Variants in ZNF718 observed in about 807,000 individuals in gnomAD.
The protein encoded by ZNF718 is zinc finger protein 718.
ZNF718 carries 3 observed loss-of-function variants against 2.6 expected under a neutral mutation model. The ratio of observed to expected loss-of-function variants is 1.16; its 90% confidence interval spans 0.53 to 3.01. The LOEUF is 3.01. ZNF718 is among the 30% of genes most tolerant of loss of function. The pLI, the probability that ZNF718 is intolerant of heterozygous loss-of-function variation, is 0.03. For missense variants in ZNF718, 468 were observed against 230.0 expected (o/e 2.03, Z -6.69); for synonymous variants, 135 against 77.9 (o/e 1.73, Z -3.86).
At chr4:147,071 A>C (rs1375430481) in intron 3 of ZNF718, among the ~76,000 whole-genome samples, 1 of 152,134 alleles carries the variant, frequency 6.6e-6, no homozygotes, top group Non-Finnish European at 1.5e-5. Flanking sequence ...TCCAGATTCA[A>C]GCGATTCTTT....
intron 1 of ZNF718, among the ~76,000 whole-genome samples, chr4:125,821 C>T (rs1553807901): frequency 1.3e-5 from 2 of 152,218 alleles, no homozygotes; most frequent in Non-Finnish European, 1.5e-5. Flanking sequence ...AGGGTTCTAC[C>T]CTCAGGAATT....
At chr4:180,470 G>T (rs188633254) in intron 3 of ZNF718, among the ~76,000 whole-genome samples, 2 of 152,160 alleles carry the variant, frequency 1.3e-5, no homozygotes, top group Admixed American at 6.6e-5. Flanking sequence ...AAAAACTCTC[G>T]GTCGGGTTCA....
downstream of ZNF718, among the ~76,000 whole-genome samples, chr4:164,541 T>C (rs1055898728): frequency 6.6e-6 from 1 of 152,136 alleles, no homozygotes; most frequent in African/African-American, 2.4e-5. Context: ...TTCACTTGTT[T>C]CTCATAGTTT....
In ZNF718 at chr4:191,847, GC is replaced by G. The variant is rs561446167; in HGVS notation, c.227-9233del. ...GGGGCGGGCCGCTCCCAAGATGGTG[GC>G]AAGACTTTTATTCTCTGACCTGGGG... On this transcript the variant is annotated intron_variant and NMD_transcript_variant, in intron 3 of 4. Transcript: ENST00000642529. 1.1e-3 allele frequency among the ~76,000 whole-genome samples: 160 copies of G among 152,300 alleles called. 2 individuals carry two copies. In the South Asian group the frequency reaches 0.011, roughly 11 times the overall value.
intron 3 of ZNF718, among the ~76,000 whole-genome samples, chr4:153,765 C>A (rs1467928271): frequency 2.6e-5 from 4 of 152,134 alleles, no homozygotes; most frequent in Non-Finnish European, 4.4e-5. Context: ...TTTGACAAAT[C>A]TATGGCTGAA....
At chr4:133,524 A>G (rs185846729) in intron 3 of ZNF718, among the ~76,000 whole-genome samples, 2 of 152,258 alleles carry the variant, frequency 1.3e-5, no homozygotes, top group Non-Finnish European at 2.9e-5. Flanking sequence ...AGATCTATCT[A>G]TATATAAAAA....
At chr4:148,287 CGGAGCCAGGT>C in intron 3 of ZNF718, among the ~76,000 whole-genome samples, 1 of 152,130 alleles carries the variant, frequency 6.6e-6, no homozygotes, top group African/African-American at 2.4e-5. Flanking sequence ...TGCATGGACT[CGGAGCCAGGT>C]TATAGTGCCA....
chr4:150,487 GTGTAAGATCATC>G (rs1215352408), intron 3 of ZNF718, among the ~76,000 whole-genome samples: 12 of 152,090 alleles, frequency 7.9e-5, no homozygotes, highest in African/African-American at 2.9e-4. Context: ...TTTCATATAT[GTGTAAGATCATC>G]TGGTACTTGT....
At chr4:196,601 A>C (rs1233321907) in intron 3 of ZNF718, among the ~76,000 whole-genome samples, 2 of 152,152 alleles carry the variant, frequency 1.3e-5, no homozygotes, top group Non-Finnish European at 1.5e-5. Context: ...ATGCATAGGC[A>C]ACTGTTGAGA....
chr4:173,902 GTGAATAGCCAT>G (rs1581475017), intron 3 of ZNF718, among the ~76,000 whole-genome samples: 1 of 152,162 alleles, frequency 6.6e-6, no homozygotes, highest in African/African-American at 2.4e-5. Flanking sequence ...GAATGCAGCC[GTGAATAGCCAT>G]TGATGCTCGC....
intron 3 of ZNF718, among the ~76,000 whole-genome samples, chr4:135,594 G>A (rs1323899881): frequency 6.6e-6 from 1 of 151,750 alleles, no homozygotes; most frequent in South Asian, 2.1e-4. Context: ...TTTGCCCTAG[G>A]CAGTACCCAG....
At position 160,809 on chromosome 4, in the gene ZNF718, G is replaced by A. The variant is rs750450954; in HGVS notation, c.227-103G>A. ...CTCATTATTTGCCCACCTTGGCCTC[G>A]GAAACTGCTGGAATTACTGGCTTGA... On this transcript the variant is annotated intron_variant, in intron 3 of 3. Transcript: ENST00000510175. The A allele has an allele frequency of 1.0e-4, 65 of 639,696 alleles. 1 individual carries two copies. The highest frequency in any genetic ancestry group is 7.4e-4 in the African/African-American group (41 of 55,216). 39.6% of individuals were successfully genotyped at this position (639,696 alleles called of 1,614,324 possible). A position where few individuals can be genotyped will look rare whatever the true frequency, so the allele number is the denominator to read the frequency against.
intron 3 of ZNF718, among the ~76,000 whole-genome samples, chr4:191,520 C>A (rs1369416813): frequency 6.6e-6 from 1 of 151,976 alleles, no homozygotes; most frequent in Non-Finnish European, 1.5e-5. Flanking sequence ...ATAGCCAAGC[C>A]ACCTAACATC....
intron 3 of ZNF718, among the ~76,000 whole-genome samples, chr4:199,014 G>A (rs1717846461): frequency 6.6e-6 from 1 of 152,214 alleles, no homozygotes; most frequent in Non-Finnish European, 1.5e-5. Context: ...GCTGGGATAT[G>A]CACCCAGAGT....
At chr4:133,821 A>G (rs1401634243) in intron 3 of ZNF718, among the ~76,000 whole-genome samples, 3 of 152,236 alleles carry the variant, frequency 2.0e-5, no homozygotes, top group Admixed American at 1.3e-4. Context: ...TATAATGTGT[A>G]CAGTATAATG....
chr4:133,193 AAAATATATAT>A (rs1289110310), intron 3 of ZNF718, among the ~76,000 whole-genome samples: 2 of 20,398 alleles, frequency 9.8e-5, no homozygotes, highest in Non-Finnish European at 1.9e-4. Context: ...AAAAAAAAAA[AAAATATATAT>A]ATATATATAT....
At chr4:160,037 T>C (rs187379723) in intron 3 of ZNF718, among the ~76,000 whole-genome samples, 2 of 152,352 alleles carry the variant, frequency 1.3e-5, no homozygotes, top group South Asian at 2.1e-4. Context: ...TTTCTTCTTA[T>C]GGTTTCTAAT....
At chr4:192,603 T>C (rs1465624099) in intron 3 of ZNF718, among the ~76,000 whole-genome samples, 2 of 152,150 alleles carry the variant, frequency 1.3e-5, no homozygotes, top group Non-Finnish European at 2.9e-5. Flanking sequence ...GGACAACTCT[T>C]AACTGCTATC....
Position 162,184 on chromosome 4 carries a change from TG to T in ZNF718, c.*64del. 1 of 622,264 alleles carries T rather than the reference TG, an allele frequency of 1.6e-6. No homozygotes were observed. Among genetic ancestry groups the T allele is most frequent in the Non-Finnish European group, 2.9e-6 (1 of 341,460 alleles). The allele number at this position is 622,264 out of a possible 1,614,324, so 38.5% of individuals were successfully genotyped here. A position where few individuals can be genotyped will look rare whatever the true frequency, so the allele number is the denominator to read the frequency against. ...AGTCTTTTCTAATCATAATTCATACTGGAGAGAAACTCTACACATGAAAAAA... is the reference window on the plus strand; with the variant it reads ...AGTCTTTTCTAATCATAATTCATACTGAGAGAAACTCTACACATGAAAAAA... On this transcript the variant is annotated 3_prime_UTR_variant, in exon 4 of 4. Transcript: ENST00000510175.
Sources: gnomAD v4.1 joint callset for allele counts (sites outside exome capture counted in the v4.1 genomes callset) on GRCh38, gnomAD v4.1.1 for gene constraint, MANE v1.5 for transcripts, NCBI Gene and HGNC (gene_info 2026-07-23, HGNC 2026-07-21) for gene names.